The following RTN4 variants were observed in gnomAD, a reference collection of about 807,000 sequenced individuals.
RTN4 encodes reticulon-4.
Under a neutral mutation model 90.4 loss-of-function variants are expected in RTN4, and 32 were observed. The ratio of observed to expected loss-of-function variants is 0.35; its 90% CI spans 0.27 to 0.48. The LOEUF (loss-of-function observed/expected upper bound fraction) is 0.48. Ranked by LOEUF, RTN4 falls within the 20% of genes least tolerant of loss-of-function variation. The pLI, the probability that RTN4 is intolerant of heterozygous loss-of-function variation, is 0.99. For missense variants in RTN4, 1,706 were observed against 1,430.2 expected, an observed-to-expected ratio of 1.19 and a Z score of -3.11; for synonymous variants, 629 against 552.5, an observed-to-expected ratio of 1.14 and a Z score of -1.94.
At chr2:55,127,061 T>TG in the RTN4 span, among the ~76,000 whole-genome samples, 2 of 152,324 alleles carry the variant, frequency 1.3e-5, no homozygotes, top group East Asian at 3.9e-4. Flanking sequence ...TATTGGGTAC[T>TG]GGGCTTAATA....
rs548777652 is a variant in RTN4 at position 55,027,812 on chromosome 2, T to A, written c.614-327A>T. Among the ~76,000 whole-genome samples the A allele has an allele frequency of 2.0e-5, 3 of 152,286 alleles. No individual in the cohort carries two copies. The South Asian group carries it at 6.2e-4, about 32-fold the overall frequency. ...AGAATATCTGTGAAAAGAGTTTCGG[T>A]GACAGCATAGGAAAGAAGGGGCACT... On this transcript the variant is annotated intron_variant, in intron 2 of 8. Coordinates refer to ENST00000337526, the MANE Select transcript of RTN4 (RefSeq NM_020532.5).
At chr2:55,037,401 T>A (rs574699866) in intron 1 of RTN4, among the ~76,000 whole-genome samples, 1 of 152,354 alleles carries the variant, frequency 6.6e-6, no homozygotes, top group East Asian at 1.9e-4. Context: ...AGTTTCTTCT[T>A]CTTCAGCAAC....
intron 4 of RTN4, among the ~76,000 whole-genome samples, chr2:54,984,277 G>A (rs926091871): frequency 1.3e-5 from 2 of 152,114 alleles, no homozygotes; most frequent in South Asian, 2.1e-4. Flanking sequence ...ATAGACACAT[G>A]TATACTTGTA....
upstream of RTN4, chr2:55,112,662 G>C (rs965895916): frequency 6.6e-6 from 1 of 152,392 alleles, no homozygotes; most frequent in Non-Finnish European, 1.5e-5. Flanking sequence ...CCACGCTGCC[G>C]CTGGCTCCCA....
intron 2 of RTN4, among the ~76,000 whole-genome samples, chr2:55,078,106 A>T (rs1245426555): frequency 6.6e-6 from 1 of 152,068 alleles, no homozygotes; most frequent in Non-Finnish European, 1.5e-5. Context: ...GGTGCACCAA[A>T]ATCTCACAAA....
chr2:55,000,942 T>G (rs1679809702), intron 3 of RTN4, among the ~76,000 whole-genome samples: 1 of 152,098 alleles, frequency 6.6e-6, no homozygotes, highest in African/African-American at 2.4e-5. Flanking sequence ...AATTGTTTTC[T>G]AGAAGCAATC....
At chr2:55,101,627 T>C (rs545092146) in intron 1 of RTN4, among the ~76,000 whole-genome samples, 1 of 152,146 alleles carries the variant, frequency 6.6e-6, no homozygotes, top group Admixed American at 6.5e-5. Context: ...TGCTACATAG[T>C]CTGTGCCAGG....
At chr2:55,049,061 G>A in intron 1 of RTN4, 2 of 975,452 alleles carry the variant, frequency 2.1e-6, no homozygotes, top group South Asian at 4.7e-5. Context: ...GGGGAGCTGG[G>A]CGGTGGCAGG....
intron 1 of RTN4, among the ~76,000 whole-genome samples, chr2:55,097,257 G>A (rs1667755952): frequency 6.7e-6 from 1 of 148,506 alleles, no homozygotes; most frequent in Admixed American, 6.8e-5. Context: ...AGCCCTGATT[G>A]TGCCACTGCA....
the RTN4 span, among the ~76,000 whole-genome samples, chr2:55,129,140 G>C: frequency 1.3e-5 from 2 of 150,402 alleles, no homozygotes; most frequent in South Asian, 4.2e-4. Context: ...AAAGAAAAGG[G>C]GGTGGGAGGC....
chr2:54,985,152 C>CTTT (rs1445725946), intron 4 of RTN4, among the ~76,000 whole-genome samples: 3 of 79,194 alleles, frequency 3.8e-5, no homozygotes, highest in African/African-American at 9.5e-5. Context: ...TATGACTCGG[C>CTTT]CTTTTTTTTT....
intron 3 of RTN4, among the ~76,000 whole-genome samples, chr2:55,020,818 A>C (rs2044291): frequency 6.6e-6 from 1 of 151,784 alleles, no homozygotes; most frequent in East Asian, 1.9e-4. Context: ...AGACCAGCCT[A>C]GGCAACAAGG....
chr2:55,012,909 G>GTCAAATA (rs1460460443), intron 3 of RTN4, among the ~76,000 whole-genome samples: 2 of 152,080 alleles, frequency 1.3e-5, no homozygotes, highest in Non-Finnish European at 2.9e-5. Context: ...AACTTAACAA[G>GTCAAATA]TCAAATAAAG....
intron 3 of RTN4, among the ~76,000 whole-genome samples, chr2:55,006,803 C>A (rs1391984158): frequency 6.6e-6 from 1 of 152,042 alleles, no homozygotes; most frequent in Non-Finnish European, 1.5e-5. Flanking sequence ...AAATTCTTTC[C>A]CCCCTTAGTA....
At chr2:54,989,946 C>T (rs1449058986) in intron 3 of RTN4, among the ~76,000 whole-genome samples, 1 of 151,962 alleles carries the variant, frequency 6.6e-6, no homozygotes, top group Non-Finnish European at 1.5e-5. Flanking sequence ...ATGATAAAGA[C>T]AGCCCTTGGT....
chr2:55,112,231 G>T (rs930359683), intron 1 of RTN4, among the ~76,000 whole-genome samples: 3 of 152,238 alleles, frequency 2.0e-5, no homozygotes, highest in South Asian at 2.1e-4. Flanking sequence ...AAGAAGAAAG[G>T]TACCACTGAC....
In RTN4 at chr2:55,077,006, G is replaced by A. The variant is rs917400233; in HGVS notation, c.-63+3483C>T. The stretch of plus-strand genomic sequence containing the variant: ...TCCTTTATAAATTGCCCAGTCTCAG[G>A]CAGTTCTTTTTTTTTTTTTTTTGAG... On this transcript the variant is annotated intron_variant, in intron 2 of 3. Coordinates refer to the RTN4 transcript ENST00000427710. 1.4e-4 allele frequency among the ~76,000 whole-genome samples: 14 copies of A among 102,780 alleles called. No homozygotes were observed. The East Asian group carries it at 3.3e-3, about 24-fold the overall frequency. The allele number at this position is 102,780 out of a possible 152,430, so 67.4% of individuals were successfully genotyped here.
chr2:55,088,789 G>C (rs990001143), intron 1 of RTN4, among the ~76,000 whole-genome samples: 3 of 152,184 alleles, frequency 2.0e-5, no homozygotes, highest in Admixed American at 2.0e-4. Flanking sequence ...GAAAAGGAGA[G>C]AGGAGACTGA....
intron 3 of RTN4, among the ~76,000 whole-genome samples, chr2:55,023,828 TC>T (rs1681624216): frequency 6.6e-6 from 1 of 152,102 alleles, no homozygotes; most frequent in South Asian, 2.1e-4. Context: ...GACAATATCT[TC>T]CCTCCTTTTT....
Sources: gnomAD v4.1 joint callset for allele counts (sites outside exome capture counted in the v4.1 genomes callset) on GRCh38, gnomAD v4.1.1 for gene constraint, MANE v1.5 for transcripts, NCBI Gene and HGNC (gene_info 2026-07-23, HGNC 2026-07-21) for gene names.